GPHN: variants seen among roughly 807,000 people sequenced by gnomAD.
GPHN encodes the protein gephyrin.
GPHN carries 17 observed loss-of-function variants against 95.5 expected under a neutral mutation model. The ratio of observed to expected loss-of-function variants is 0.18; its 90% confidence interval spans 0.12 to 0.27. The LOEUF (loss-of-function observed/expected upper bound fraction) is 0.27, where lower values mean the gene tolerates loss of function less well. GPHN is among the 10% of genes least tolerant of loss of function. GPHN has a pLI of 1.00. For missense variants in GPHN, 660 were observed against 978.1 expected (o/e 0.67, Z 4.34); for synonymous variants, 320 against 322.5 (o/e 0.99, Z 0.08).
chr14:67,663,171 C>G, the GPHN span: 2 of 1,531,752 alleles, frequency 1.3e-6, no homozygotes, highest in Non-Finnish European at 1.7e-6. Flanking sequence ...TCTTTAATAC[C>G]TAAAAATTAC....
the GPHN span, among the ~76,000 whole-genome samples, chr14:67,721,726 A>G: frequency 9.6e-6 from 1 of 104,430 alleles, no homozygotes; most frequent in Non-Finnish European, 1.9e-5. Context: ...TTGAACACTT[A>G]GAACAAGTGG....
chr14:66,511,242 T>G (rs528973909), intron 1 of GPHN, among the ~76,000 whole-genome samples: 62 of 152,274 alleles, frequency 4.1e-4, no homozygotes, highest in African/African-American at 1.2e-3. Context: ...TACAATTTTG[T>G]GTATTCTAGA....
At chr14:67,422,071 G>T in the GPHN span, among the ~76,000 whole-genome samples, 2 of 152,242 alleles carry the variant, frequency 1.3e-5, no homozygotes, top group South Asian at 4.1e-4. Flanking sequence ...CCTAGAAATA[G>T]CAAGGGCTCA....
At chr14:66,983,192 C>T (rs1340045328) in intron 9 of GPHN, among the ~76,000 whole-genome samples, 2 of 152,018 alleles carry the variant, frequency 1.3e-5, no homozygotes, top group Non-Finnish European at 2.9e-5. Flanking sequence ...GCAGAGGTTG[C>T]GGTGAGCTGA....
At chr14:67,697,628 C>T in the GPHN span, among the ~76,000 whole-genome samples, 59 of 152,192 alleles carry the variant, frequency 3.9e-4, no homozygotes, top group African/African-American at 1.2e-3. Context: ...ACTGAGGCAC[C>T]GTGTAAGCTA....
chr14:66,513,303 T>C (rs1288668746), intron 1 of GPHN, among the ~76,000 whole-genome samples: 1 of 151,702 alleles, frequency 6.6e-6, no homozygotes, highest in Non-Finnish European at 1.5e-5. Context: ...AAAGTATTAG[T>C]TGCTATACAA....
At chr14:66,606,326 T>A (rs1365804987) in intron 1 of GPHN, among the ~76,000 whole-genome samples, 1 of 152,154 alleles carries the variant, frequency 6.6e-6, no homozygotes, top group Non-Finnish European at 1.5e-5. Flanking sequence ...ATTTCTGGGT[T>A]CTTTGTTCTG....
At chr14:66,513,369 A>G (rs1232142593) in intron 1 of GPHN, among the ~76,000 whole-genome samples, 4 of 151,808 alleles carry the variant, frequency 2.6e-5, no homozygotes, top group African/African-American at 7.2e-5. Flanking sequence ...AAGCAGGCAT[A>G]TAGTGGAAAG....
chr14:67,245,815 T>A, the GPHN span, among the ~76,000 whole-genome samples: 1 of 150,830 alleles, frequency 6.6e-6, no homozygotes, highest in East Asian at 1.9e-4. Context: ...ATTTGAATAT[T>A]GTATCTAAGA....
intron 21 of GPHN, among the ~76,000 whole-genome samples, chr14:67,173,102 C>G (rs532029141): frequency 6.6e-6 from 1 of 152,266 alleles, no homozygotes; most frequent in Non-Finnish European, 1.5e-5. Flanking sequence ...AGTCACAGAC[C>G]CTGGCTCTGT....
chr14:66,548,083 TC>T (rs1189954828), intron 1 of GPHN, among the ~76,000 whole-genome samples: 1 of 152,116 alleles, frequency 6.6e-6, no homozygotes, highest in Non-Finnish European at 1.5e-5. Context: ...TGTTTCTGTG[TC>T]ATGTTTTTGT....
intron 1 of GPHN, among the ~76,000 whole-genome samples, chr14:66,560,858 G>T (rs896540681): frequency 2.0e-5 from 3 of 152,080 alleles, no homozygotes; most frequent in Non-Finnish European, 4.4e-5. Context: ...TGCCCATTCG[G>T]TATGATATCA....
At chr14:67,594,196 TA>T in the GPHN span, among the ~76,000 whole-genome samples, 1 of 152,152 alleles carries the variant, frequency 6.6e-6, no homozygotes, top group Non-Finnish European at 1.5e-5. Context: ...CTTTAGGGCC[TA>T]AATCAGCTGA....
At chr14:66,964,718 A>T (rs1166627711) in intron 8 of GPHN, among the ~76,000 whole-genome samples, 1 of 152,120 alleles carries the variant, frequency 6.6e-6, no homozygotes, top group Admixed American at 6.6e-5. Context: ...CCCTATCCCA[A>T]CTCAGTCTTC....
At chr14:66,583,180 C>T (rs1329612341) in intron 1 of GPHN, among the ~76,000 whole-genome samples, 2 of 152,032 alleles carry the variant, frequency 1.3e-5, no homozygotes, top group East Asian at 3.9e-4. Flanking sequence ...GCATAAATGT[C>T]TTCTTTTGAG....
intron 9 of GPHN, among the ~76,000 whole-genome samples, chr14:66,979,491 A>G (rs1312751351): frequency 6.6e-6 from 1 of 152,158 alleles, no homozygotes; most frequent in Non-Finnish European, 1.5e-5. Context: ...CTAGCTTTCA[A>G]CTTTTCTTCT....
At chr14:67,600,385 C>G in the GPHN span, 1 of 549,598 alleles carries the variant, frequency 1.8e-6, no homozygotes. Context: ...TTCTTCCGGG[C>G]CGGCCTTGAC....
At chr14:67,301,483 A>G in the GPHN span, 2 of 1,570,932 alleles carry the variant, frequency 1.3e-6, no homozygotes, top group Non-Finnish European at 1.7e-6. Flanking sequence ...AATGGACAGA[A>G]TACTATATAT....
intron 17 of GPHN, among the ~76,000 whole-genome samples, chr14:67,139,237 AG>A (rs940960492): frequency 6.6e-6 from 1 of 150,834 alleles, no homozygotes; most frequent in Non-Finnish European, 1.5e-5. Context: ...AAAAAAAGAG[AG>A]AGAGAGACTA....
Sources: allele counts gnomAD v4.1 joint callset (sites outside exome capture counted in the v4.1 genomes callset), GRCh38; gene constraint gnomAD v4.1.1; transcripts MANE v1.5; gene names NCBI Gene and HGNC (gene_info 2026-07-23, HGNC 2026-07-21).